LRRC7: variants seen among roughly 807,000 people sequenced by gnomAD.
The protein encoded by LRRC7 is leucine rich repeat containing 7.
LRRC7 carries 23 observed loss-of-function variants against 175.7 expected under a neutral mutation model. The observed-to-expected ratio is 0.13, with a 90% CI of 0.09 to 0.19. The LOEUF (loss-of-function observed/expected upper bound fraction) is 0.19. Ranked by LOEUF, LRRC7 falls within the 10% of genes least tolerant of loss-of-function variation. LRRC7 has a pLI of 1.00. For missense variants in LRRC7, 1,354 were observed against 1,904.7 expected (o/e 0.71, Z 5.38); for synonymous variants, 685 against 680.9 (o/e 1.01, Z -0.09).
At chr1:69,759,617 A>G (rs372648197) in intron 2 of LRRC7, among the ~76,000 whole-genome samples, 16 of 152,028 alleles carry the variant, frequency 1.1e-4, no homozygotes, top group Non-Finnish European at 1.5e-4. Context: ...AACTCCATGA[A>G]AACAGGGTCT....
At chr1:70,008,795 A>G (rs1210805446) in intron 11 of LRRC7, among the ~76,000 whole-genome samples, 2 of 152,202 alleles carry the variant, frequency 1.3e-5, no homozygotes, top group South Asian at 2.1e-4. Flanking sequence ...GGAAGGCAAC[A>G]CATGTTTTGC....
chr1:69,633,356 A>G (rs1293778379), intron 1 of LRRC7, among the ~76,000 whole-genome samples: 1 of 152,096 alleles, frequency 6.6e-6, no homozygotes, highest in Non-Finnish European at 1.5e-5. Flanking sequence ...TATCAAAATT[A>G]TATTACTGTA....
In LRRC7 at chr1:70,065,161, AC is replaced by A. The variant is rs1330465227; in HGVS notation, c.4231-10914del. Among the ~76,000 whole-genome samples, 10 of 152,088 alleles carry A rather than the reference AC, an allele frequency of 6.6e-5. No individual in the cohort carries two copies. In the South Asian group the frequency reaches 8.3e-4, roughly 13 times the overall value. Reference sequence around the variant, plus strand: ...AATGATAATTACACTAATACAGGGTACCTTGCATAGGTGATACACTAAACTA... The same window carrying A: ...AATGATAATTACACTAATACAGGGTACTTGCATAGGTGATACACTAAACTA... On this transcript the variant is annotated intron_variant, in intron 23 of 26. Transcript: ENST00000651989.
At chr1:69,860,897 C>T (rs1336141031) in intron 7 of LRRC7, among the ~76,000 whole-genome samples, 2 of 151,968 alleles carry the variant, frequency 1.3e-5, no homozygotes, top group African/African-American at 4.8e-5. Context: ...AAATATTTGT[C>T]TAACCAACTT....
In LRRC7 at chr1:69,699,493, T is replaced by C. The variant is rs529847337; in HGVS notation, c.100+21015T>C. The stretch of plus-strand genomic sequence containing the variant: ...AGGCAGAGGTTGCAGTGAGCCAAGA[T>C]TGTGCCACTGTACTCCACCTGGCGA... On this transcript the variant is annotated intron_variant, in intron 2 of 26. Coordinates refer to ENST00000651989, the MANE Select transcript of LRRC7 (RefSeq NM_001370785.2). Among the ~76,000 whole-genome samples, 10 of 151,800 alleles carry C rather than the reference T, an allele frequency of 6.6e-5. No homozygotes were observed. In the South Asian group the frequency reaches 1.2e-3, roughly 19 times the overall value.
chr1:69,888,297 C>G (rs12758411), intron 7 of LRRC7, among the ~76,000 whole-genome samples: 63,761 of 151,776 alleles, frequency 0.42, 14,224 homozygotes, highest in East Asian at 0.55. Flanking sequence ...CCCTCGGATC[C>G]AGGTGCGGGA....
At chr1:70,024,029 T>C (rs1412213102) in intron 17 of LRRC7, among the ~76,000 whole-genome samples, 2 of 152,122 alleles carry the variant, frequency 1.3e-5, no homozygotes, top group African/African-American at 2.4e-5. Context: ...GAACACTGCA[T>C]GTCTTGTAAA....
chr1:69,872,109 A>G (rs1352012583), intron 7 of LRRC7, among the ~76,000 whole-genome samples: 5 of 152,020 alleles, frequency 3.3e-5, no homozygotes, highest in Non-Finnish European at 7.4e-5. Flanking sequence ...AATGCAGCTA[A>G]TGTGTTCAAC....
chr1:69,838,144 T>C (rs1681325437), intron 6 of LRRC7, 83 bp from the exon 7 acceptor site: 10 of 860,682 alleles, frequency 1.2e-5, no homozygotes, highest in Non-Finnish European at 1.9e-5. Flanking sequence ...AGTAACCCTA[T>C]AGTGCTACCA....
chr1:69,804,574 G>C (rs1009427678), intron 4 of LRRC7, among the ~76,000 whole-genome samples: 3 of 151,522 alleles, frequency 2.0e-5, no homozygotes, highest in African/African-American at 7.2e-5. Context: ...CTAAAACCTG[G>C]TTAGCTAGCC....
chr1:69,823,045 T>TA (rs1178029851), intron 4 of LRRC7, among the ~76,000 whole-genome samples: 1 of 152,206 alleles, frequency 6.6e-6, no homozygotes, highest in Non-Finnish European at 1.5e-5. Context: ...TGTATAATTT[T>TA]CTTATTCCAA....
At chr1:69,690,681 C>T (rs1032226594) in intron 2 of LRRC7, among the ~76,000 whole-genome samples, 5 of 152,150 alleles carry the variant, frequency 3.3e-5, no homozygotes, top group African/African-American at 1.2e-4. Flanking sequence ...TACAATAACA[C>T]ACCAGATACA....
At chr1:69,956,823 G>A (rs1225430151) in intron 8 of LRRC7, among the ~76,000 whole-genome samples, 1 of 151,040 alleles carries the variant, frequency 6.6e-6, no homozygotes, top group Non-Finnish European at 1.5e-5. Flanking sequence ...ATAATCCATC[G>A]AACTCTAATA....
intron 5 of LRRC7, among the ~76,000 whole-genome samples, chr1:69,831,255 C>T (rs1046277588): frequency 4.0e-5 from 6 of 151,872 alleles, no homozygotes. Context: ...TTTGAAAAGT[C>T]ATATGTAAGT....
intron 2 of LRRC7, among the ~76,000 whole-genome samples, chr1:69,735,563 C>CCG (rs1668019985): frequency 6.6e-6 from 1 of 152,046 alleles, no homozygotes; most frequent in Non-Finnish European, 1.5e-5. Context: ...TGATGCTAAA[C>CCG]TCTTGCGTAG....
chr1:69,907,168 A>G (rs369764045), intron 7 of LRRC7, among the ~76,000 whole-genome samples: 1 of 152,082 alleles, frequency 6.6e-6, no homozygotes, highest in Non-Finnish European at 1.5e-5. Context: ...GGGCTGAGAC[A>G]ATGGGGTTTT....
chr1:70,093,172 A>G (rs575386120), intron 25 of LRRC7, among the ~76,000 whole-genome samples: 1 of 152,292 alleles, frequency 6.6e-6, no homozygotes, highest in South Asian at 2.1e-4. Context: ...TCATTACAAT[A>G]AAGAAACATT....
chr1:69,710,004 G>A (rs986644229), intron 2 of LRRC7, among the ~76,000 whole-genome samples: 2 of 152,074 alleles, frequency 1.3e-5, no homozygotes, highest in African/African-American at 4.8e-5. Context: ...GTCAACCGGT[G>A]TGGTGTCTTA....
At chr1:69,722,976 TTA>T (rs920748525) in intron 2 of LRRC7, among the ~76,000 whole-genome samples, 26 of 152,104 alleles carry the variant, frequency 1.7e-4, no homozygotes, top group African/African-American at 6.3e-4. Context: ...GATTTTTATG[TTA>T]GTTTTTTGCC....
Sources: allele counts gnomAD v4.1 joint callset (sites outside exome capture counted in the v4.1 genomes callset), GRCh38; gene constraint gnomAD v4.1.1; transcripts MANE v1.5; gene names NCBI Gene and HGNC (gene_info 2026-07-23, HGNC 2026-07-21).